The following SLC13A3 variants were observed in gnomAD, a reference collection of about 807,000 sequenced individuals.
The protein encoded by SLC13A3 is solute carrier family 13 member 3.
In SLC13A3, 40 loss-of-function variants were observed where a neutral mutation model predicts 59.0. The observed-to-expected ratio is 0.68, with a 90% CI of 0.53 to 0.88. SLC13A3 has a LOEUF of 0.88. Among genes scored for constraint, SLC13A3 ranks in the 40% least tolerant of loss-of-function variants. The probability of loss-of-function intolerance (pLI) is 0.00; values close to 1 mark genes in which losing one functional copy is unlikely to be tolerated. For synonymous variants in SLC13A3, 317 were observed against 330.3 expected (o/e 0.96, Z 0.44); for missense variants, 699 against 783.2 (o/e 0.89, Z 1.28).
At chr20:46,618,509 G>A (rs1421616834) in intron 1 of SLC13A3, among the ~76,000 whole-genome samples, 1 of 152,182 alleles carries the variant, frequency 6.6e-6, no homozygotes, top group Non-Finnish European at 1.5e-5. Context: ...ATAAGAGGCA[G>A]GGACTTTGGG....
chr20:46,623,258 G>A (rs947023204), intron 1 of SLC13A3, among the ~76,000 whole-genome samples: 3 of 152,230 alleles, frequency 2.0e-5, no homozygotes, highest in African/African-American at 7.2e-5. Context: ...TTTCTATGCA[G>A]CTTCACATCT....
intron 3 of SLC13A3, among the ~76,000 whole-genome samples, chr20:46,602,874 A>T (rs552575652): frequency 6.6e-6 from 1 of 152,260 alleles, no homozygotes; most frequent in East Asian, 1.9e-4. Context: ...AGGATTGTTA[A>T]GAGGATTAAA....
chr20:46,677,668 C>T (rs949208442), intron 1 of SLC13A3, among the ~76,000 whole-genome samples: 5 of 152,124 alleles, frequency 3.3e-5, no homozygotes, highest in African/African-American at 1.2e-4. Flanking sequence ...TACATGCCAT[C>T]TTATCTAAAG....
intron 1 of SLC13A3, among the ~76,000 whole-genome samples, chr20:46,634,827 C>T (rs1916668856): frequency 6.6e-6 from 1 of 152,134 alleles, no homozygotes; most frequent in South Asian, 2.1e-4. Context: ...CTCTCTTTGC[C>T]TCAGTCTTCC....
At chr20:46,628,786 T>C (rs1183452510) in intron 1 of SLC13A3, among the ~76,000 whole-genome samples, 9 of 152,256 alleles carry the variant, frequency 5.9e-5, no homozygotes, top group Non-Finnish European at 1.5e-5. Flanking sequence ...AACAGCCACA[T>C]GGGACTAGGG....
upstream of SLC13A3, among the ~76,000 whole-genome samples, chr20:46,653,804 T>C (rs761960548): frequency 1.4e-4 from 22 of 152,216 alleles, no homozygotes; most frequent in Admixed American, 5.9e-4. Context: ...TAATATTCCA[T>C]TGTATGGATA....
At chr20:46,632,186 G>A (rs2062745813) in intron 1 of SLC13A3, among the ~76,000 whole-genome samples, 1 of 152,182 alleles carries the variant, frequency 6.6e-6, no homozygotes, top group Admixed American at 6.5e-5. Context: ...CACTTCTCAG[G>A]AGTGTCCAGG....
intron 6 of SLC13A3, among the ~76,000 whole-genome samples, chr20:46,591,954 C>G (rs979147649): frequency 3.9e-5 from 6 of 152,004 alleles, no homozygotes; most frequent in African/African-American, 1.5e-4. Flanking sequence ...ACCTATAACC[C>G]CAGAGCTTTG....
At chr20:46,562,399 T>C (rs891110610) in intron 12 of SLC13A3, among the ~76,000 whole-genome samples, 20 of 152,124 alleles carry the variant, frequency 1.3e-4, no homozygotes, top group African/African-American at 4.6e-4. Flanking sequence ...GTGCCCTCCA[T>C]TGGGACTGCT....
chr20:46,677,285 T>C (rs114528702), intron 1 of SLC13A3, among the ~76,000 whole-genome samples: 1,994 of 152,168 alleles, frequency 0.013, 58 homozygotes, highest in African/African-American at 0.044. Flanking sequence ...TTTCATGAAG[T>C]TTTACAAACC....
chr20:46,575,379 A>T (rs1430947177), intron 10 of SLC13A3, among the ~76,000 whole-genome samples, 194 bp downstream of exon 10: 1 of 152,236 alleles, frequency 6.6e-6, no homozygotes, highest in East Asian at 1.9e-4. Flanking sequence ...TCCAGGCCAT[A>T]ACTCATTCCT....
intron 1 of SLC13A3, among the ~76,000 whole-genome samples, chr20:46,649,340 G>T (rs535422237): frequency 6.6e-6 from 1 of 152,198 alleles, no homozygotes; most frequent in Non-Finnish European, 1.5e-5. Context: ...CCCAAGCCTC[G>T]TACCGAATCC....
chr20:46,667,506 T>C (rs1391939060), intron 1 of SLC13A3, among the ~76,000 whole-genome samples: 1 of 152,188 alleles, frequency 6.6e-6, no homozygotes, highest in African/African-American at 2.4e-5. Flanking sequence ...ACAATATTAA[T>C]ATTAGCAAGC....
rs578207211 is a variant in SLC13A3 at position 46,618,452 on chromosome 20, G to T, written c.112-4727C>A. On this transcript the variant is annotated intron_variant, in intron 1 of 12. Coordinates refer to ENST00000279027, the MANE Select transcript of SLC13A3 (RefSeq NM_022829.6). Reference sequence around the variant, plus strand: ...TCCTTGCTATGGTCTCAGTGTTTCTGTCCCCCCAGATTCATACATGGAATC... The same window carrying T: ...TCCTTGCTATGGTCTCAGTGTTTCTTTCCCCCCAGATTCATACATGGAATC... 7.5e-4 allele frequency among the ~76,000 whole-genome samples: 114 copies of T among 152,328 alleles called. 1 individual carries two copies. The highest frequency in any genetic ancestry group is 2.1e-3 in the South Asian group (10 of 4,826).
rs181222698 is a variant in SLC13A3 at position 46,665,086 on chromosome 20, T to A, written c.-31+4957A>T. On this transcript the variant is annotated intron_variant, in intron 1 of 12. Coordinates refer to the SLC13A3 transcript ENST00000290317. ...ACTGAGATATAGTTCATATAGCATA[T>A]AATTCACCTGTTTAAAAGTGAATAT... 7.9e-5 allele frequency among the ~76,000 whole-genome samples: 12 copies of A among 152,196 alleles called. No individual in the cohort carries two copies. The East Asian group carries it at 1.3e-3, about 17-fold the overall frequency.
chr20:46,633,970 G>A (rs1342705038), intron 1 of SLC13A3, among the ~76,000 whole-genome samples: 1 of 152,218 alleles, frequency 6.6e-6, no homozygotes, highest in African/African-American at 2.4e-5. Context: ...TCTAGCAAGG[G>A]ATGGAGCCAC....
rs1344897190 is a variant in SLC13A3 at position 46,558,764 on chromosome 20, C to G, written c.*1258G>C. On this transcript the variant is annotated 3_prime_UTR_variant, in exon 13 of 13. Coordinates refer to ENST00000279027, the MANE Select transcript of SLC13A3 (RefSeq NM_022829.6). ...CTAGGGGAATCTCCACCCTCAGAGG[C>G]TTAGGAAAGGGAAGTGTGACGAGTC... 6.6e-6 allele frequency: 1 copy of G among 152,166 alleles called. No individual in the cohort carries two copies. Among genetic ancestry groups the G allele is most frequent in the African/African-American group, 2.4e-5 (1 of 41,436 alleles). 9.4% of individuals were successfully genotyped at this position (152,166 alleles called of 1,614,324 possible). A position where few individuals can be genotyped will look rare whatever the true frequency, so the allele number is the denominator to read the frequency against.
At chr20:46,573,160 CAT>C (rs1362599802) in intron 10 of SLC13A3, among the ~76,000 whole-genome samples, 3 of 152,188 alleles carry the variant, frequency 2.0e-5, no homozygotes, top group Non-Finnish European at 2.9e-5. Flanking sequence ...TAAAGTAAAA[CAT>C]ATTTTATTTA....
chr20:46,630,542 T>C (rs2062726456), intron 1 of SLC13A3, among the ~76,000 whole-genome samples: 2 of 152,236 alleles, frequency 1.3e-5, no homozygotes, highest in African/African-American at 2.4e-5. Flanking sequence ...CTTCTTCATA[T>C]GCTGGCGAGG....
Sources: gnomAD v4.1 joint callset for allele counts (sites outside exome capture counted in the v4.1 genomes callset) on GRCh38, gnomAD v4.1.1 for gene constraint, MANE v1.5 for transcripts, NCBI Gene and HGNC (gene_info 2026-07-23, HGNC 2026-07-21) for gene names.